YWHAZ: variants seen among roughly 807,000 people sequenced by gnomAD.
YWHAZ encodes 14-3-3 protein zeta/delta.
For missense variants in YWHAZ, 79 were observed against 284.8 expected (o/e 0.28, Z 5.20); for synonymous variants, 87 against 103.6 (o/e 0.84, Z 0.97).
At chr8:100,942,242 G>GA (rs201160366) in intron 2 of YWHAZ, among the ~76,000 whole-genome samples, 3,021 of 151,172 alleles carry the variant, frequency 0.02, 75 homozygotes, top group Admixed American at 0.081. Flanking sequence ...AATGGCAATA[G>GA]AAAAAAAAAC....
intron 2 of YWHAZ, chr8:100,947,996 T>C: frequency 9.1e-7 from 1 of 1,097,544 alleles, no homozygotes; most frequent in East Asian, 2.6e-5. Context: ...ACTGAATACT[T>C]AAAATACTCG....
At chr8:100,940,124 C>T (rs889998520) in intron 2 of YWHAZ, among the ~76,000 whole-genome samples, 1 of 149,234 alleles carries the variant, frequency 6.7e-6, no homozygotes, top group African/African-American at 2.5e-5. Flanking sequence ...TCAAAAAGAA[C>T]TTAATGAGTA....
Position 100,948,279 on chromosome 8 carries a change from G to A in YWHAZ, c.294+317C>T, listed in dbSNP as rs902367819. 1.4e-6 allele frequency: 1 copy of A among 721,962 alleles called. No homozygotes were observed. Among genetic ancestry groups the A allele is most frequent in the East Asian group, 2.8e-5 (1 of 35,464 alleles). 44.7% of individuals were successfully genotyped at this position (721,962 alleles called of 1,614,324 possible). ...TACATTTAAGATAACCAGCTATAGAGCTACTACAAATATTCTAACCATAAG... is the reference window on the plus strand; with the variant it reads ...TACATTTAAGATAACCAGCTATAGAACTACTACAAATATTCTAACCATAAG... On this transcript the variant is annotated intron_variant, in intron 2 of 5. Coordinates refer to ENST00000395958, the MANE Select transcript of YWHAZ (RefSeq NM_145690.3). This position sits in a 1 kb window ranked among gnomAD's most constrained non-coding sequence, Gnocchi z 4.2.
intron 2 of YWHAZ, among the ~76,000 whole-genome samples, chr8:100,934,339 T>C (rs890421451): frequency 7.1e-6 from 1 of 140,320 alleles, no homozygotes; most frequent in Admixed American, 7.0e-5. Context: ...TTTTTTTTTT[T>C]AAAAGGAGGG....
rs537890874 is a variant in YWHAZ at position 100,921,807 on chromosome 8, A to G, written c.679-1055T>C. ...TATGAACTCTATTCCACCTGCTCCAATGTTAAAAATGTTGAAGTCTTAACC... is the reference window on the plus strand; with the variant it reads ...TATGAACTCTATTCCACCTGCTCCAGTGTTAAAAATGTTGAAGTCTTAACC... On this transcript the variant is annotated intron_variant, in intron 5 of 5. Transcript: ENST00000395958. Among the ~76,000 whole-genome samples the G allele has an allele frequency of 7.9e-5, 12 of 152,354 alleles. No individual in the cohort carries two copies. In the South Asian group the frequency reaches 1.0e-3, roughly 13 times the overall value.
Position 100,924,841 on chromosome 8 carries a change from T to C in YWHAZ, c.418+75A>G, listed in dbSNP as rs1477858850. ...CTCTAAGCAATTCAAAACAAGACAT[T>C]ATGTACGCTTCAGAGACTCTTCCTC... On this transcript the variant is annotated intron_variant, in intron 3 of 5. Coordinates refer to ENST00000395958, the MANE Select transcript of YWHAZ (RefSeq NM_145690.3). The surrounding 1 kb of genome is among the most constrained non-coding windows in gnomAD (Gnocchi z 5.7). The C allele has an allele frequency of 3.2e-6, 5 of 1,584,076 alleles. No individual in the cohort carries two copies. The highest frequency in any genetic ancestry group is 1.4e-5 in the African/African-American group (1 of 73,916).
In YWHAZ at chr8:100,950,738, T is replaced by TA. The variant is rs1401717365; in HGVS notation, c.-12+1190dup. ...CAGCAGCCCGCAGAAGCGGAACCAC[T>TA]ACCAGCCCCGCCGCGGACACACCCC... is the stretch of plus-strand genomic sequence containing the variant. On this transcript the variant is annotated intron_variant, in intron 1 of 5. Transcript: ENST00000395958. Among the ~76,000 whole-genome samples the TA allele has an allele frequency of 5.4e-5, 8 of 147,784 alleles. No individual in the cohort carries two copies. The East Asian group carries it at 8.1e-4, about 15-fold the overall frequency.
At chr8:100,923,342 T>C (rs940865664) in intron 5 of YWHAZ, 1 of 152,158 alleles carries the variant, frequency 6.6e-6, no homozygotes, top group Non-Finnish European at 1.5e-5. Flanking sequence ...ATCAACTGCA[T>C]TGTGGACTGA....
Position 100,924,700 on chromosome 8 carries a change from A to G in YWHAZ, c.418+216T>C, listed in dbSNP as rs970237479. On this transcript the variant is annotated intron_variant, in intron 3 of 5. Coordinates refer to ENST00000395958, the MANE Select transcript of YWHAZ (RefSeq NM_145690.3). This position sits in a 1 kb window ranked among gnomAD's most constrained non-coding sequence, Gnocchi z 5.7. Reference sequence around the variant, plus strand: ...GGTCACTTTTCTTAAAATCTTGAAAAAACATCCCTGTACACAATATTGGCT... The same window carrying G: ...GGTCACTTTTCTTAAAATCTTGAAAGAACATCCCTGTACACAATATTGGCT... Among the ~76,000 whole-genome samples the G allele has an allele frequency of 6.6e-6, 1 of 152,172 alleles. No individual in the cohort carries two copies. Among genetic ancestry groups the G allele is most frequent in the Non-Finnish European group, 1.5e-5 (1 of 68,030 alleles).
chr8:100,940,433 G>A (rs1809743368), intron 2 of YWHAZ, among the ~76,000 whole-genome samples: 1 of 152,140 alleles, frequency 6.6e-6, no homozygotes, highest in Non-Finnish European at 1.5e-5. Flanking sequence ...CAATGAATTT[G>A]CAGTACTTTT....
intron 2 of YWHAZ, among the ~76,000 whole-genome samples, chr8:100,930,289 G>T (rs1813676275): frequency 6.6e-6 from 1 of 152,156 alleles, no homozygotes; most frequent in African/African-American, 2.4e-5. Flanking sequence ...AGTAGAGACA[G>T]GGTTTCACTG....
intron 2 of YWHAZ, among the ~76,000 whole-genome samples, chr8:100,928,937 G>T (rs1813566859): frequency 6.6e-6 from 1 of 152,126 alleles, no homozygotes; most frequent in South Asian, 2.1e-4. Context: ...TGTTCAGTAT[G>T]AGAAAACTTA....
intron 2 of YWHAZ, among the ~76,000 whole-genome samples, chr8:100,939,883 C>T (rs1352315276): frequency 6.6e-6 from 1 of 151,798 alleles, no homozygotes; most frequent in Non-Finnish European, 1.5e-5. Flanking sequence ...ATTAGCCGGG[C>T]GTGGTGGCGG....
At position 100,920,021 on chromosome 8, in the gene YWHAZ, C is replaced by T. The variant is rs1563664571; in HGVS notation, c.*672G>A. Reference sequence around the variant, plus strand: ...ACTTTTACATTTGTTCTTAGGTTGCCTAAAACATTTAAATACAAATAAAAT... The same window carrying T: ...ACTTTTACATTTGTTCTTAGGTTGCTTAAAACATTTAAATACAAATAAAAT... On this transcript the variant is annotated 3_prime_UTR_variant, in exon 6 of 6. Transcript: ENST00000395958. 6.6e-6 allele frequency: 1 copy of T among 152,466 alleles called. No homozygotes were observed. The highest frequency in any genetic ancestry group is 1.5e-5 in the Non-Finnish European group (1 of 68,022). 9.4% of individuals were successfully genotyped at this position (152,466 alleles called of 1,614,324 possible). A position where few individuals can be genotyped will look rare whatever the true frequency, so the allele number is the denominator to read the frequency against.
At chr8:100,950,509 G>A (rs1235287451) in intron 1 of YWHAZ, 3 of 985,358 alleles carry the variant, frequency 3.0e-6, no homozygotes, top group Non-Finnish European at 3.6e-6. Flanking sequence ...TCCAGGCTCC[G>A]CCCAAGTCGG....
chr8:100,940,776 CACAG>C (rs1478352098), intron 2 of YWHAZ, among the ~76,000 whole-genome samples: 4 of 152,184 alleles, frequency 2.6e-5, no homozygotes, highest in African/African-American at 9.7e-5. Context: ...GAAACAGAGT[CACAG>C]ACAAATGCAG....
At chr8:100,951,555 G>C (rs1287673862) in intron 1 of YWHAZ, 1 of 985,292 alleles carries the variant, frequency 1.0e-6, no homozygotes, top group African/African-American at 1.7e-5. Context: ...GCAGAGACAA[G>C]GGTGGGGATG....
chr8:100,951,828 G>A lies in YWHAZ; in HGVS notation c.-12+101C>T, dbSNP rs566824562. On this transcript the variant is annotated intron_variant, in intron 1 of 5. Coordinates refer to ENST00000395958, the MANE Select transcript of YWHAZ (RefSeq NM_145690.3). ...GCCTCAGCCCGGCGCCGCCACCGCG[G>A]GGCGAGTGGGGATGAGGGGACGGAG... The A allele has an allele frequency of 5.9e-4, 578 of 985,690 alleles. 12 individuals carry two copies. The South Asian group carries it at 0.024, about 41-fold the overall frequency. The allele number at this position is 985,690 out of a possible 1,614,324, so 61.1% of individuals were successfully genotyped here. A position where few individuals can be genotyped will look rare whatever the true frequency, so the allele number is the denominator to read the frequency against.
chr8:100,929,975 A>C lies in YWHAZ; in HGVS notation c.295-4936T>G, dbSNP rs1813649860. Among the ~76,000 whole-genome samples, 3 of 152,352 alleles carry C rather than the reference A, an allele frequency of 2.0e-5. No individual in the cohort carries two copies. In the South Asian group the frequency reaches 6.2e-4, roughly 32 times the overall value. ...AGAATATCCTGCTCAACACAGAAAT[A>C]AACCTCCTAAATTTCGTTCACCTAC... On this transcript the variant is annotated intron_variant, in intron 2 of 5. Coordinates refer to ENST00000395958, the MANE Select transcript of YWHAZ (RefSeq NM_145690.3).
Sources: allele counts gnomAD v4.1 joint callset (sites outside exome capture counted in the v4.1 genomes callset), GRCh38; gene constraint gnomAD v4.1.1; non-coding constraint Gnocchi (gnomAD v3.1); transcripts MANE v1.5; gene names NCBI Gene and HGNC (gene_info 2026-07-23, HGNC 2026-07-21).